PYHIN1: variants seen among roughly 807,000 people sequenced by gnomAD.
The protein encoded by PYHIN1 is pyrin and HIN domain family member 1.
A neutral mutation model predicts 43.7 loss-of-function variants in PYHIN1; 32 were observed. The observed-to-expected ratio is 0.73, with a 90% confidence interval of 0.55 to 0.98. PYHIN1 has a LOEUF of 0.98. PYHIN1 is among the 50% of genes least tolerant of loss of function. The pLI is 0.00. For synonymous variants in PYHIN1, 205 were observed against 203.1 expected (o/e 1.01, Z -0.08); for missense variants, 588 against 589.5 (o/e 1.00, Z 0.03).
chr1:158,973,864 A>G (rs914988783), intron 8 of PYHIN1, 93 bp downstream of exon 8: 6 of 1,346,792 alleles, frequency 4.5e-6, no homozygotes, highest in African/African-American at 1.5e-5. Context: ...AATTCTGACT[A>G]TATATTATTT....
chr1:158,990,478 GA>G, the PYHIN1 span, among the ~76,000 whole-genome samples: 1 of 151,940 alleles, frequency 6.6e-6, no homozygotes. Context: ...AAATCTCTCT[GA>G]TTAACAAATA....
At chr1:158,934,526 A>G (rs2101638510) in intron 1 of PYHIN1, among the ~76,000 whole-genome samples, 1 of 151,942 alleles carries the variant, frequency 6.6e-6, no homozygotes. Flanking sequence ...AGGCTTATGG[A>G]GTATTTATTT....
intron 7 of PYHIN1, among the ~76,000 whole-genome samples, chr1:158,958,417 T>G (rs1372318032): frequency 3.0e-4 from 43 of 144,540 alleles, no homozygotes; most frequent in African/African-American, 1.0e-3. Context: ...CATGGAATAC[T>G]ATGCAGCCAT....
In PYHIN1 at chr1:158,973,769, A is replaced by G; in HGVS notation, c.*3A>G. On this transcript the variant is annotated splice_region_variant and 3_prime_UTR_variant, in exon 8 of 9. Transcript: ENST00000368140. Reference sequence around the variant, plus strand: ...ACCGCCATCCAGCAGTTCCTTAAATAAGGTACCACCTTTCTATTTGCATTG... The same window carrying G: ...ACCGCCATCCAGCAGTTCCTTAAATGAGGTACCACCTTTCTATTTGCATTG... 6.2e-7 allele frequency: 1 copy of G among 1,612,772 alleles called. No individual in the cohort carries two copies. The highest frequency in any genetic ancestry group is 8.5e-7 in the Non-Finnish European group (1 of 1,179,184).
chr1:158,953,769 G>A (rs1021733308), intron 7 of PYHIN1, among the ~76,000 whole-genome samples: 68 of 152,200 alleles, frequency 4.5e-4, no homozygotes, highest in Admixed American at 2.6e-4. Flanking sequence ...TTGACGAGCT[G>A]AGAAAAGAAG....
At chr1:158,977,310 A>G (rs982711806), downstream of PYHIN1, among the ~76,000 whole-genome samples, 7 of 152,094 alleles carry the variant, frequency 4.6e-5, no homozygotes, top group African/African-American at 1.4e-4. Context: ...CCAAAACTAG[A>G]GATATCTTTT....
chr1:158,990,304 C>G, the PYHIN1 span, among the ~76,000 whole-genome samples: 1 of 151,980 alleles, frequency 6.6e-6, no homozygotes. Context: ...GTAGAATGAG[C>G]TGTGTTATGA....
At chr1:158,938,112 G>C (rs1267256539) in intron 2 of PYHIN1, among the ~76,000 whole-genome samples, 1 of 152,192 alleles carries the variant, frequency 6.6e-6, no homozygotes, top group Non-Finnish European at 1.5e-5. Context: ...TGATAGAATA[G>C]GATTGGGAAA....
intron 8 of PYHIN1, among the ~76,000 whole-genome samples, chr1:158,975,137 A>G (rs1651180632): frequency 6.6e-6 from 1 of 152,026 alleles, no homozygotes; most frequent in Non-Finnish European, 1.5e-5. Flanking sequence ...TAGCACTTCC[A>G]CAGGATGCCT....
intron 7 of PYHIN1, among the ~76,000 whole-genome samples, chr1:158,958,324 T>C (rs1172638018): frequency 2.2e-4 from 30 of 136,538 alleles, no homozygotes; most frequent in South Asian, 2.7e-4. Flanking sequence ...TATTGCGGCA[T>C]TATTCACAAT....
chr1:158,965,005 A>G (rs921654133), intron 7 of PYHIN1, among the ~76,000 whole-genome samples: 1 of 152,182 alleles, frequency 6.6e-6, no homozygotes, highest in African/African-American at 2.4e-5. Flanking sequence ...CTCACATGCA[A>G]TGACACCCAT....
At chr1:158,981,447 G>T (rs189115452), downstream of PYHIN1, among the ~76,000 whole-genome samples, 1 of 152,194 alleles carries the variant, frequency 6.6e-6, no homozygotes, top group East Asian at 1.9e-4. Flanking sequence ...CTCCAGCCTG[G>T]GGGACAAGAG....
Position 158,942,065 on chromosome 1 carries a change from C to A in PYHIN1, c.668C>A (p.Thr223Lys). The stretch of plus-strand genomic sequence containing the variant: ...ATAATCGCGATGGTACTAAATGCAA[C>A]AAAAGTATTTAAATATGAATCCTCA... ...DPIIAMVLNATKVFKYESSEN... is the reference protein window; with the variant it reads ...DPIIAMVLNAKKVFKYESSEN... Residue 223 changes from threonine to lysine, a missense_variant, in exon 5 of 9, where the codon ACA becomes AAA. By Grantham distance (78) the Thr-to-Lys change is moderately conservative. Coordinates refer to ENST00000368140, the MANE Select transcript of PYHIN1 (RefSeq NM_152501.5). The A allele has an allele frequency of 1.9e-6, 3 of 1,613,984 alleles. No individual in the cohort carries two copies. Among genetic ancestry groups the A allele is most frequent in the South Asian group, 1.1e-5 (1 of 91,058 alleles).
chr1:158,980,455 A>G (rs1571798458), downstream of PYHIN1, among the ~76,000 whole-genome samples: 1 of 152,268 alleles, frequency 6.6e-6, no homozygotes, highest in African/African-American at 2.4e-5. Flanking sequence ...TGCAAGTAGG[A>G]AAGATATTGC....
downstream of PYHIN1, among the ~76,000 whole-genome samples, chr1:158,981,524 G>A (rs1043554412): frequency 4.6e-5 from 7 of 152,184 alleles, no homozygotes; most frequent in South Asian, 2.1e-4. Context: ...ATACAAGCAC[G>A]TATCTTTTAG....
intron 7 of PYHIN1, among the ~76,000 whole-genome samples, chr1:158,956,907 C>CAA (rs1649972010): frequency 9.8e-6 from 1 of 101,826 alleles, no homozygotes; most frequent in Non-Finnish European, 2.0e-5. Context: ...TCAGCAAAGT[C>CAA]TCAGAATACA....
intron 8 of PYHIN1, among the ~76,000 whole-genome samples, chr1:158,974,020 T>C (rs994639596): frequency 6.6e-6 from 1 of 152,084 alleles, no homozygotes; most frequent in Non-Finnish European, 1.5e-5. Flanking sequence ...GGTGCAAATA[T>C]GGTGTATGTG....
intron 1 of PYHIN1, among the ~76,000 whole-genome samples, chr1:158,932,288 A>G (rs1396769303): frequency 6.6e-6 from 1 of 151,854 alleles, no homozygotes; most frequent in Non-Finnish European, 1.5e-5. Context: ...GGAACGGTAG[A>G]CGCTGGGGAC....
At chr1:158,982,898 G>T in the PYHIN1 span, among the ~76,000 whole-genome samples, 3 of 151,842 alleles carry the variant, frequency 2.0e-5, no homozygotes, top group South Asian at 6.2e-4. Flanking sequence ...TCTTTGTGTG[G>T]CTATTGTGAA....
Sources: allele counts gnomAD v4.1 joint callset (sites outside exome capture counted in the v4.1 genomes callset), GRCh38; gene constraint gnomAD v4.1.1; transcripts MANE v1.5; gene names NCBI Gene and HGNC (gene_info 2026-07-23, HGNC 2026-07-21).